Variants in HRH1 observed in about 807,000 individuals in gnomAD.
The protein encoded by HRH1 is histamine H1 receptor.
Under a neutral mutation model 10.3 loss-of-function variants are expected in HRH1, and 6 were observed. The ratio of observed to expected loss-of-function variants is 0.58; its 90% CI spans 0.32 to 1.15. The LOEUF is 1.15. Ranked by LOEUF, HRH1 falls within the 50% of genes most tolerant of loss-of-function variation. The probability of loss-of-function intolerance (pLI) is 0.05; values close to 1 mark genes in which losing one functional copy is unlikely to be tolerated. For missense variants in HRH1, 514 were observed against 615.3 expected, an observed-to-expected ratio of 0.84 and a Z score of 1.74; for synonymous variants, 242 against 236.7, an observed-to-expected ratio of 1.02 and a Z score of -0.21.
intron 1 of HRH1, among the ~76,000 whole-genome samples, chr3:11,189,509 C>T (rs868063368): frequency 5.9e-5 from 9 of 152,158 alleles, no homozygotes; most frequent in Admixed American, 2.6e-4. Context: ...TAACAAGTTT[C>T]GCAATTCTCT....
At chr3:11,182,023 C>T (rs1937364981) in intron 1 of HRH1, among the ~76,000 whole-genome samples, 1 of 152,094 alleles carries the variant, frequency 6.6e-6, no homozygotes, top group Admixed American at 6.6e-5. Flanking sequence ...TGCTCTGTCA[C>T]CCAGGCTAGA....
At chr3:11,140,965 T>C (rs1305335986) in intron 1 of HRH1, among the ~76,000 whole-genome samples, 1 of 152,216 alleles carries the variant, frequency 6.6e-6, no homozygotes, top group Non-Finnish European at 1.5e-5. Context: ...CTCCCCTTGA[T>C]TAAGCAGGTG....
At chr3:11,146,440 A>G (rs1192449988) in intron 1 of HRH1, among the ~76,000 whole-genome samples, 6 of 152,230 alleles carry the variant, frequency 3.9e-5, no homozygotes, top group Admixed American at 3.3e-4. Context: ...CTCAGGGGCA[A>G]CAAGAAAAGG....
intron 1 of HRH1, among the ~76,000 whole-genome samples, chr3:11,195,974 G>T (rs1028769645): frequency 6.6e-5 from 10 of 152,244 alleles, no homozygotes; most frequent in Admixed American, 4.6e-4. Flanking sequence ...CCCAGGAAGA[G>T]ACTAAAATGC....
At chr3:11,218,323 C>CT (rs368117196) in intron 1 of HRH1, among the ~76,000 whole-genome samples, 1,667 of 151,926 alleles carry the variant, frequency 0.011, 26 homozygotes, top group African/African-American at 0.038. Flanking sequence ...TGGCAGGTGC[C>CT]TGTAGTCCCA....
intron 1 of HRH1, among the ~76,000 whole-genome samples, chr3:11,231,217 T>C (rs1939030230): frequency 6.6e-6 from 1 of 152,208 alleles, no homozygotes; most frequent in African/African-American, 2.4e-5. Context: ...CCACAGTTGG[T>C]TGGTTGCTCA....
chr3:11,241,945 T>C (rs937879160), intron 1 of HRH1, among the ~76,000 whole-genome samples: 1 of 151,616 alleles, frequency 6.6e-6, no homozygotes, highest in African/African-American at 2.4e-5. Context: ...CAGTGGGCGC[T>C]CTCTAAAATG....
intron 1 of HRH1, among the ~76,000 whole-genome samples, chr3:11,214,411 ACT>A (rs1306858010): frequency 1.3e-5 from 2 of 152,136 alleles, no homozygotes; most frequent in Non-Finnish European, 2.9e-5. Context: ...CCTGCAAATA[ACT>A]CTGAATGGGA....
intron 1 of HRH1, among the ~76,000 whole-genome samples, chr3:11,167,432 G>A: frequency 3.2e-5 from 2 of 62,368 alleles, no homozygotes; most frequent in African/African-American, 6.9e-5. Flanking sequence ...CTCCAGGCCC[G>A]TGACATCTGC....
chr3:11,237,664 CTTTTTTTTTTTTT>C (rs376450222), intron 1 of HRH1, among the ~76,000 whole-genome samples: 20 of 83,086 alleles, frequency 2.4e-4, no homozygotes, highest in Non-Finnish European at 4.4e-4. Context: ...TTTTCTTTTC[CTTTTTTTTTTTTT>C]TTTTTTTTTT....
intron 1 of HRH1, among the ~76,000 whole-genome samples, chr3:11,184,981 A>G (rs1937425097): frequency 6.6e-6 from 1 of 151,540 alleles, no homozygotes; most frequent in Non-Finnish European, 1.5e-5. Flanking sequence ...GGGTTTAGCC[A>G]TCGGCTTTGT....
Position 11,260,772 on chromosome 3 carries a change from T to C in HRH1, c.*271T>C, listed in dbSNP as rs1156245759. The stretch of plus-strand genomic sequence containing the variant: ...GTAACTGGGTTCAAAAAGAAAAAAA[T>C]AATAAAAATAAAAGAGAGAGAGAAT... On this transcript the variant is annotated 3_prime_UTR_variant, in exon 2 of 2. Coordinates refer to ENST00000431010, the MANE Select transcript of HRH1 (RefSeq NM_001098212.2). The C allele has an allele frequency of 2.5e-6, 1 of 408,128 alleles. No individual in the cohort carries two copies. Among genetic ancestry groups the C allele is most frequent in the Non-Finnish European group, 4.5e-6 (1 of 221,506 alleles). The allele number at this position is 408,128 out of a possible 1,614,324, so 25.3% of individuals were successfully genotyped here. A position where few individuals can be genotyped will look rare whatever the true frequency, so the allele number is the denominator to read the frequency against.
At chr3:11,223,739 G>A (rs1222186264) in intron 1 of HRH1, among the ~76,000 whole-genome samples, 4 of 152,164 alleles carry the variant, frequency 2.6e-5, no homozygotes, top group African/African-American at 9.7e-5. Context: ...AAGAAAAGGG[G>A]GAAAGGGAAA....
At position 11,260,256 on chromosome 3, in the gene HRH1, A is replaced by G. The variant is rs368549819; in HGVS notation, c.1219A>G (p.Met407Val). 7 of 1,614,092 alleles carry G rather than the reference A, an allele frequency of 4.3e-6. No homozygotes were observed. The highest frequency in any genetic ancestry group is 2.2e-5 in the East Asian group (1 of 44,904). Residue 407 changes from methionine (M) to valine (V), a missense_variant, in exon 2 of 2, where the codon ATG becomes GTG. Physicochemically the swap from Met to Val is conservative, Grantham distance 21. Transcript: ENST00000431010. ...HSRQYVSGLH[M>V]NRERKAAKQL... Reference sequence around the variant, plus strand: ...AAGACAGTATGTATCTGGGTTGCACATGAACCGCGAAAGGAAGGCCGCCAA... The same window carrying G: ...AAGACAGTATGTATCTGGGTTGCACGTGAACCGCGAAAGGAAGGCCGCCAA...
At chr3:11,153,497 A>T (rs1328796626), upstream of HRH1, among the ~76,000 whole-genome samples, 1 of 93,742 alleles carries the variant, frequency 1.1e-5, no homozygotes. Flanking sequence ...TCTGACCCCC[A>T]CCCCCACACC....
At chr3:11,226,746 G>A (rs971591033) in intron 1 of HRH1, among the ~76,000 whole-genome samples, 19 of 152,088 alleles carry the variant, frequency 1.2e-4, no homozygotes, top group Admixed American at 9.8e-4. Context: ...AAATAGCCAG[G>A]TGTCATGGTG....
chr3:11,252,194 C>T (rs1018992297), intron 1 of HRH1, among the ~76,000 whole-genome samples: 24 of 152,334 alleles, frequency 1.6e-4, no homozygotes, highest in Admixed American at 1.0e-3. Flanking sequence ...TATCCATAGA[C>T]GGCAGTATCT....
At chr3:11,255,583 G>C (rs1939762842) in intron 1 of HRH1, among the ~76,000 whole-genome samples, 1 of 152,210 alleles carries the variant, frequency 6.6e-6, no homozygotes, top group Admixed American at 6.5e-5. Context: ...AGGTCCTGAC[G>C]ATGTGCCCAA....
chr3:11,173,336 TAGGAAATA>T (rs1178225318), intron 1 of HRH1, among the ~76,000 whole-genome samples: 10 of 151,716 alleles, frequency 6.6e-5, no homozygotes, highest in Non-Finnish European at 1.5e-5. Context: ...TCTGGCACAT[TAGGAAATA>T]GTCAAGAAAG....
Sources: gnomAD v4.1 joint callset for allele counts (sites outside exome capture counted in the v4.1 genomes callset) on GRCh38, gnomAD v4.1.1 for gene constraint, MANE v1.5 for transcripts, NCBI Gene and HGNC (gene_info 2026-07-23, HGNC 2026-07-21) for gene names.